DTNA: variants seen among roughly 807,000 people sequenced by gnomAD.
DTNA encodes dystrophin-related protein 3.
DTNA carries 43 observed loss-of-function variants against 100.7 expected under a neutral mutation model. The ratio of observed to expected loss-of-function variants is 0.43; its 90% confidence interval spans 0.33 to 0.55. The LOEUF is 0.55. Ranked by LOEUF, DTNA falls within the 20% of genes least tolerant of loss-of-function variation. The pLI is 0.04. For synonymous variants in DTNA, 349 were observed against 347.9 expected (o/e 1.00, Z -0.04); for missense variants, 798 against 953.9 (o/e 0.84, Z 2.15).
Position 34,650,947 on chromosome 18 carries a change from A to C in DTNA, c.-1-105029A>C, listed in dbSNP as rs139226956. Among the ~76,000 whole-genome samples the C allele has an allele frequency of 7.9e-3, 1,206 of 152,274 alleles. 21 individuals are homozygous for C. The highest frequency in any genetic ancestry group is 0.028 in the African/African-American group (1,162 of 41,536). On this transcript the variant is annotated intron_variant, in intron 1 of 19. Coordinates refer to the DTNA transcript ENST00000283365. ...TTTCTATTTTCAACCCAATCCTACT[A>C]ATATTAGTAGTACACCCTTTTATTG...
intron 1 of DTNA, among the ~76,000 whole-genome samples, chr18:34,666,615 G>C (rs929838428): frequency 6.6e-6 from 1 of 152,176 alleles, no homozygotes; most frequent in African/African-American, 2.4e-5. Flanking sequence ...ATAAGGAAGG[G>C]ATCCAGTTTC....
At chr18:34,774,064 G>A (rs897963657) in intron 3 of DTNA, among the ~76,000 whole-genome samples, 3 of 152,290 alleles carry the variant, frequency 2.0e-5, no homozygotes, top group African/African-American at 4.8e-5. Flanking sequence ...TGCATTAGAC[G>A]TGAAAGCTGT....
intron 1 of DTNA, among the ~76,000 whole-genome samples, chr18:34,641,061 A>G (rs1486707560): frequency 6.6e-6 from 1 of 152,160 alleles, no homozygotes; most frequent in Non-Finnish European, 1.5e-5. Flanking sequence ...TTTATAATAA[A>G]TGTTGCTACT....
At chr18:34,811,900 A>G in intron 5 of DTNA, 59 bp from the exon 6 acceptor site, 3 of 1,604,600 alleles carry the variant, frequency 1.9e-6, no homozygotes, top group Non-Finnish European at 2.6e-6. Flanking sequence ...GATATATTGA[A>G]CAAAAACAGT....
chr18:34,831,295 A>G lies in DTNA; in HGVS notation c.1175+1806A>G, dbSNP rs923393309. ...TTTCACAGGTATTTTCATAGTTGCA[A>G]CCTCTAAAGTGGTAAGCACTCACAA... On this transcript the variant is annotated intron_variant, in intron 11 of 22. Coordinates refer to ENST00000444659, the MANE Select transcript of DTNA (RefSeq NM_001386795.1). Among the ~76,000 whole-genome samples, 6 of 152,150 alleles carry G rather than the reference A, an allele frequency of 3.9e-5. No homozygotes were observed. The East Asian group carries it at 5.8e-4, about 15-fold the overall frequency.
chr18:34,734,925 C>T (rs2089212740), intron 1 of DTNA, among the ~76,000 whole-genome samples: 1 of 152,122 alleles, frequency 6.6e-6, no homozygotes, highest in Non-Finnish European at 1.5e-5. Context: ...GCAGCCAACT[C>T]CAGAAGCCTC....
intron 1 of DTNA, among the ~76,000 whole-genome samples, chr18:34,741,575 A>G (rs2090652425): frequency 6.6e-6 from 1 of 152,192 alleles, no homozygotes; most frequent in African/African-American, 2.4e-5. Context: ...GGATTTCATC[A>G]CCAATCCTTT....
At chr18:34,666,586 A>G (rs1229455308) in intron 1 of DTNA, among the ~76,000 whole-genome samples, 1 of 152,114 alleles carries the variant, frequency 6.6e-6, no homozygotes, top group African/African-American at 2.4e-5. Context: ...TTCATCTTGA[A>G]TTAATTTTTG....
At chr18:34,553,891 G>A (rs1391303218) in intron 1 of DTNA, among the ~76,000 whole-genome samples, 1 of 151,860 alleles carries the variant, frequency 6.6e-6, no homozygotes, top group Non-Finnish European at 1.5e-5. Context: ...GAACTTTAAA[G>A]TAGTTTTTTC....
chr18:34,841,761 C>A (rs1394932102), intron 13 of DTNA, among the ~76,000 whole-genome samples: 1 of 152,144 alleles, frequency 6.6e-6, no homozygotes, highest in Non-Finnish European at 1.5e-5. Flanking sequence ...ATTTTCCACC[C>A]CATTCCTTGG....
intron 1 of DTNA, among the ~76,000 whole-genome samples, chr18:34,573,606 T>C (rs538449534): frequency 6.6e-5 from 10 of 152,362 alleles, no homozygotes; most frequent in African/African-American, 2.4e-4. Context: ...TATACATTTA[T>C]CATGTACAAC....
At chr18:34,805,654 G>A (rs2095341979) in intron 4 of DTNA, among the ~76,000 whole-genome samples, 1 of 152,004 alleles carries the variant, frequency 6.6e-6, no homozygotes, top group African/African-American at 2.4e-5. Flanking sequence ...CTTTAAAATA[G>A]CAGCTCTCTT....
At chr18:34,558,396 CT>C (rs2046328128) in intron 1 of DTNA, among the ~76,000 whole-genome samples, 1 of 152,102 alleles carries the variant, frequency 6.6e-6, no homozygotes, top group Non-Finnish European at 1.5e-5. Flanking sequence ...CTCTTCCCCC[CT>C]AGTTTGCTTA....
At chr18:34,757,397 T>C (rs1322779626) in intron 2 of DTNA, 4 of 152,246 alleles carry the variant, frequency 2.6e-5, no homozygotes, top group Admixed American at 2.6e-4. Context: ...TAAGACATCA[T>C]GGGACAATGT....
In DTNA at chr18:34,798,368, G is replaced by A. The variant is rs181333423; in HGVS notation, c.362+4118G>A. ...TCTCCAATATATTACAAAGACTAGC[G>A]GGTCCCAGTCACCTAGATTCAGACC... On this transcript the variant is annotated intron_variant, in intron 4 of 22. Transcript: ENST00000444659. Among the ~76,000 whole-genome samples, 16 of 152,010 alleles carry A rather than the reference G, an allele frequency of 1.1e-4. No homozygotes were observed. The East Asian group carries it at 2.5e-3, about 24-fold the overall frequency.
rs143844037 is a variant in DTNA at position 34,734,190 on chromosome 18, C to G, written c.-1-21786C>G. 2.0e-3 allele frequency among the ~76,000 whole-genome samples: 307 copies of G among 152,210 alleles called. 2 individuals carry two copies. Among genetic ancestry groups the G allele is most frequent in the African/African-American group, 7.1e-3 (295 of 41,536 alleles). On this transcript the variant is annotated intron_variant, in intron 1 of 22. Transcript: ENST00000444659. ...ATTGAGGGTGGCTCCTCAGGAGAAT[C>G]AACATTATCTTGCTTGACAACTGCC...
At chr18:34,816,073 T>A in intron 7 of DTNA, 59 bp downstream of exon 7, 1 of 1,521,196 alleles carries the variant, frequency 6.6e-7, no homozygotes, top group Non-Finnish European at 9.1e-7. Context: ...AGGCCATTAG[T>A]TCTACAGTTA....
intron 1 of DTNA, among the ~76,000 whole-genome samples, chr18:34,688,764 C>T (rs1171007596): frequency 6.6e-6 from 1 of 152,184 alleles, no homozygotes; most frequent in Non-Finnish European, 1.5e-5. Context: ...TTCTCCCCAT[C>T]ACTTTCAGGT....
At chr18:34,751,554 A>G (rs1307773335) in intron 1 of DTNA, among the ~76,000 whole-genome samples, 1 of 152,228 alleles carries the variant, frequency 6.6e-6, no homozygotes, top group Non-Finnish European at 1.5e-5. Context: ...TGCACCCAGC[A>G]ATACTGAGCA....
Sources: gnomAD v4.1 joint callset for allele counts (sites outside exome capture counted in the v4.1 genomes callset) on GRCh38, gnomAD v4.1.1 for gene constraint, MANE v1.5 for transcripts, NCBI Gene and HGNC (gene_info 2026-07-23, HGNC 2026-07-21) for gene names.